The following ZNF618 variants were observed in gnomAD, a reference collection of about 807,000 sequenced individuals.
The protein encoded by ZNF618 is neural precursor cell expressed, developmentally down-regulated 10.
In ZNF618, 34 loss-of-function variants were observed where a neutral mutation model predicts 103.0. The observed-to-expected ratio is 0.33, with a 90% CI of 0.25 to 0.44. ZNF618 has a LOEUF of 0.44. Among genes scored for constraint, ZNF618 ranks in the 20% least tolerant of loss-of-function variants. ZNF618 has a pLI of 1.00. For synonymous variants in ZNF618, 551 were observed against 542.2 expected (o/e 1.02, Z -0.23); for missense variants, 1,059 against 1,295.4 (o/e 0.82, Z 2.80).
At chr9:113,938,136 T>C (rs548936862) in intron 1 of ZNF618, among the ~76,000 whole-genome samples, 2 of 151,748 alleles carry the variant, frequency 1.3e-5, no homozygotes, top group East Asian at 3.9e-4. Flanking sequence ...TTTAGGTCTT[T>C]GATGTTTTTA....
chr9:113,969,601 A>G (rs1837755127), intron 2 of ZNF618, among the ~76,000 whole-genome samples: 1 of 152,186 alleles, frequency 6.6e-6, no homozygotes, highest in Non-Finnish European at 1.5e-5. Flanking sequence ...CTGATTAGCC[A>G]GGGTGGAGAG....
chr9:114,049,951 C>T lies in ZNF618; in HGVS notation c.2649C>T (p.Phe883=), dbSNP rs1846000865. The T allele has an allele frequency of 6.8e-6, 11 of 1,613,988 alleles. No homozygotes were observed. Among genetic ancestry groups the T allele is most frequent in the Non-Finnish European group, 8.5e-6 (10 of 1,179,908 alleles). Residue 883 remains phenylalanine, a synonymous_variant, in exon 15 of 15, where the codon TTC becomes TTT. Coordinates refer to ENST00000374126, the MANE Select transcript of ZNF618 (RefSeq NM_001318042.2). The stretch of plus-strand genomic sequence containing the variant: ...ACGATTACCTGCAGGAGCCCCTCTT[C>T]CAGGCTACCCCTGATCTCTTCCAGT... ...EVYDYLQEPL[F]QATPDLFQYW...
At chr9:113,933,991 A>G (rs568568839) in intron 1 of ZNF618, among the ~76,000 whole-genome samples, 3 of 152,146 alleles carry the variant, frequency 2.0e-5, no homozygotes, top group South Asian at 4.2e-4. Context: ...GACAAGGTCT[A>G]GGGTGTTACC....
chr9:114,007,337 T>G lies in ZNF618; in HGVS notation c.551-13T>G, dbSNP rs1444409882. On this transcript the variant is annotated splice_polypyrimidine_tract_variant and intron_variant, in intron 6 of 14. Coordinates refer to ENST00000374126, the MANE Select transcript of ZNF618 (RefSeq NM_001318042.2). ...AGCCCTGGTAACCAGGTGTGTGTTT[T>G]CATCCCATGCAGACAATTTCAGGTA... The G allele has an allele frequency of 1.2e-6, 2 of 1,612,868 alleles. No homozygotes were observed. The highest frequency in any genetic ancestry group is 8.5e-7 in the Non-Finnish European group (1 of 1,179,226).
chr9:114,030,509 C>G (rs1352981987), intron 11 of ZNF618, among the ~76,000 whole-genome samples: 1 of 152,144 alleles, frequency 6.6e-6, no homozygotes, highest in Non-Finnish European at 1.5e-5. Flanking sequence ...GGTACGTGGC[C>G]GGTCTCCAGC....
intron 1 of ZNF618, among the ~76,000 whole-genome samples, chr9:113,881,552 A>G (rs1419154584): frequency 2.0e-5 from 3 of 152,168 alleles, no homozygotes; most frequent in African/African-American, 4.8e-5. Flanking sequence ...TGAGTCTTTG[A>G]AATCTAATGT....
chr9:113,895,940 A>G (rs1376914989), intron 1 of ZNF618, among the ~76,000 whole-genome samples: 1 of 152,088 alleles, frequency 6.6e-6, no homozygotes, highest in East Asian at 1.9e-4. Context: ...TTTCTGAGAA[A>G]TGTATTCATT....
chr9:114,008,648 GTGGCATC>G, intron 9 of ZNF618, 94 bp downstream of exon 9: 1 of 1,443,636 alleles, frequency 6.9e-7, no homozygotes, highest in South Asian at 1.2e-5. Context: ...GTAGCAGTGG[GTGGCATC>G]ACTTAACTGC....
At position 113,988,653 on chromosome 9, in the gene ZNF618, G is replaced by A. The variant is rs954024247; in HGVS notation, c.337+73G>A. 4.9e-5 allele frequency: 73 copies of A among 1,500,092 alleles called. No individual in the cohort carries two copies. In the African/African-American group the frequency reaches 7.1e-4, roughly 15 times the overall value. 92.9% of individuals were successfully genotyped at this position (1,500,092 alleles called of 1,614,324 possible). On this transcript the variant is annotated intron_variant, in intron 3 of 14. Coordinates refer to ENST00000374126, the MANE Select transcript of ZNF618 (RefSeq NM_001318042.2). ...TGGAGTCAGAGTCCTGGGGAAAAGC[G>A]GCCTGGCGCCTCTGCCCCCTTCCTG...
At chr9:114,002,102 C>T (rs751720691) in intron 5 of ZNF618, 29 bp downstream of exon 5, 6 of 1,600,276 alleles carry the variant, frequency 3.7e-6, no homozygotes, top group Admixed American at 1.7e-5. Flanking sequence ...GGGCAGAGCC[C>T]AGGGGCCGCA....
intron 1 of ZNF618, among the ~76,000 whole-genome samples, chr9:113,920,550 C>T (rs924110885): frequency 4.6e-5 from 7 of 151,976 alleles, no homozygotes; most frequent in South Asian, 2.1e-4. Flanking sequence ...TACAGGCGCC[C>T]GCCACCATGC....
intron 11 of ZNF618, among the ~76,000 whole-genome samples, chr9:114,032,310 C>T (rs1270987140): frequency 6.6e-6 from 1 of 152,228 alleles, no homozygotes; most frequent in Admixed American, 6.5e-5. Context: ...GATTTGCTGT[C>T]ACGGTTGTGG....
At chr9:113,991,629 G>T (rs926922105) in intron 3 of ZNF618, among the ~76,000 whole-genome samples, 1 of 152,196 alleles carries the variant, frequency 6.6e-6, no homozygotes, top group Non-Finnish European at 1.5e-5. Flanking sequence ...TAAGAAGTAA[G>T]CTATTGTGAT....
intron 1 of ZNF618, among the ~76,000 whole-genome samples, chr9:113,879,398 T>G (rs1467657201): frequency 7.6e-5 from 8 of 105,280 alleles, no homozygotes; most frequent in South Asian, 2.5e-4. Flanking sequence ...TTTTTTTCTG[T>G]TTTTTTTTTT....
chr9:113,920,096 C>T (rs1224890799), intron 1 of ZNF618, among the ~76,000 whole-genome samples: 4 of 152,200 alleles, frequency 2.6e-5, no homozygotes, highest in African/African-American at 7.2e-5. Context: ...AGTGGGGAAT[C>T]ACTGTTGGAA....
At chr9:114,033,902 TG>T (rs1276627808) in intron 12 of ZNF618, among the ~76,000 whole-genome samples, 1 of 152,222 alleles carries the variant, frequency 6.6e-6, no homozygotes, top group Non-Finnish European at 1.5e-5. Context: ...GGGGACCCTC[TG>T]AGACAGCCAG....
intron 3 of ZNF618, among the ~76,000 whole-genome samples, chr9:113,993,764 C>T (rs1300352668): frequency 6.6e-6 from 1 of 152,154 alleles, no homozygotes; most frequent in African/African-American, 2.4e-5. Context: ...GGTTATTCCC[C>T]GATAGTGGAG....
chr9:113,984,562 G>C (rs1054557208), intron 2 of ZNF618, among the ~76,000 whole-genome samples: 1 of 152,232 alleles, frequency 6.6e-6, no homozygotes, highest in South Asian at 2.1e-4. Context: ...TGCCATGATG[G>C]TGGTGAGGAC....
intron 1 of ZNF618, among the ~76,000 whole-genome samples, chr9:113,889,865 G>A (rs961751155): frequency 1.3e-5 from 2 of 152,164 alleles, no homozygotes; most frequent in Admixed American, 1.3e-4. Flanking sequence ...ACAGCTATGT[G>A]CATTCAATAA....
Sources: gnomAD v4.1 joint callset for allele counts (sites outside exome capture counted in the v4.1 genomes callset) on GRCh38, gnomAD v4.1.1 for gene constraint, MANE v1.5 for transcripts, NCBI Gene and HGNC (gene_info 2026-07-23, HGNC 2026-07-21) for gene names.